The following ADGRL3 variants were observed in gnomAD, a reference collection of about 807,000 sequenced individuals.
ADGRL3 encodes calcium-independent alpha-latrotoxin receptor 3.
In ADGRL3, 62 loss-of-function variants were observed where a neutral mutation model predicts 153.5. That is an observed-to-expected ratio of 0.40 (90% CI 0.33 to 0.50). The LOEUF (loss-of-function observed/expected upper bound fraction) is 0.50. Ranked by LOEUF, ADGRL3 falls within the 20% of genes least tolerant of loss-of-function variation. ADGRL3 has a pLI of 0.47. For synonymous variants in ADGRL3, 710 were observed against 672.5 expected (o/e 1.06, Z -0.86); for missense variants, 1,641 against 1,859.4 (o/e 0.88, Z 2.16).
intron 17 of ADGRL3, among the ~76,000 whole-genome samples, chr4:61,948,912 A>G (rs1182904300): frequency 6.6e-6 from 1 of 152,032 alleles, no homozygotes; most frequent in African/African-American, 2.4e-5. Flanking sequence ...TTGCAAGGGA[A>G]GAGAAGGCTG....
chr4:61,880,329 T>G (rs912877472), intron 9 of ADGRL3, among the ~76,000 whole-genome samples: 2 of 152,192 alleles, frequency 1.3e-5, no homozygotes, highest in Non-Finnish European at 2.9e-5. Flanking sequence ...TAAGGTTCCT[T>G]GAGACACTAG....
At chr4:61,406,188 A>C (rs1434971241) in intron 2 of ADGRL3, among the ~76,000 whole-genome samples, 1 of 147,446 alleles carries the variant, frequency 6.8e-6, no homozygotes. Flanking sequence ...ACTGAGGATA[A>C]AAAAAAAAAT....
chr4:61,871,824 A>G (rs1212806788), intron 9 of ADGRL3, among the ~76,000 whole-genome samples: 1 of 152,194 alleles, frequency 6.6e-6, no homozygotes, highest in Non-Finnish European at 1.5e-5. Flanking sequence ...GCAGAGAGGC[A>G]TATTCTTTTC....
At chr4:61,677,350 G>C in intron 6 of ADGRL3, 1 of 389,752 alleles carries the variant, frequency 2.6e-6, no homozygotes, top group Non-Finnish European at 4.9e-6. Context: ...TTCATCTGCT[G>C]TCAACATTTT....
At chr4:61,223,398 G>T (rs544083867) in intron 1 of ADGRL3, among the ~76,000 whole-genome samples, 2 of 152,296 alleles carry the variant, frequency 1.3e-5, no homozygotes, top group African/African-American at 4.8e-5. Flanking sequence ...AGAGAGTGAT[G>T]CAAAATTGTT....
intron 9 of ADGRL3, among the ~76,000 whole-genome samples, chr4:61,891,309 C>G (rs1286805597): frequency 6.6e-6 from 1 of 152,056 alleles, no homozygotes; most frequent in East Asian, 1.9e-4. Flanking sequence ...GAAAATAAGA[C>G]ACTCTGCCTT....
intron 10 of ADGRL3, 26 bp from the exon 11 acceptor site, chr4:61,895,705 C>T: frequency 8.1e-7 from 1 of 1,231,464 alleles, no homozygotes; most frequent in Admixed American, 2.1e-5. Context: ...GAAAAAGAAA[C>T]AGATACATTT....
At chr4:61,368,290 G>A (rs1397160939) in intron 1 of ADGRL3, among the ~76,000 whole-genome samples, 1 of 151,614 alleles carries the variant, frequency 6.6e-6, no homozygotes, top group East Asian at 1.9e-4. Context: ...GCTTTTGAAT[G>A]AAGTCCTTGC....
intron 1 of ADGRL3, among the ~76,000 whole-genome samples, chr4:61,277,700 C>G (rs555991832): frequency 6.6e-6 from 1 of 152,032 alleles, no homozygotes; most frequent in African/African-American, 2.4e-5. Flanking sequence ...TTCCTGAAAT[C>G]CATCTCTTTC....
At chr4:61,644,457 T>A (rs2093859147) in intron 5 of ADGRL3, among the ~76,000 whole-genome samples, 1 of 152,206 alleles carries the variant, frequency 6.6e-6, no homozygotes, top group Non-Finnish European at 1.5e-5. Flanking sequence ...ACACACTGCT[T>A]TGAATGCGTC....
chr4:61,382,487 T>A (rs566141778), intron 1 of ADGRL3, among the ~76,000 whole-genome samples: 1 of 151,848 alleles, frequency 6.6e-6, no homozygotes, highest in African/African-American at 2.4e-5. Context: ...TATTATTTGT[T>A]TAATAAAATT....
intron 21 of ADGRL3, among the ~76,000 whole-genome samples, chr4:62,020,174 C>A (rs1460490900): frequency 6.6e-6 from 1 of 152,048 alleles, no homozygotes; most frequent in Non-Finnish European, 1.5e-5. Flanking sequence ...GTGAAAATCC[C>A]ATACAGTATG....
At chr4:61,668,945 A>G (rs1387411475) in intron 5 of ADGRL3, among the ~76,000 whole-genome samples, 1 of 152,138 alleles carries the variant, frequency 6.6e-6, no homozygotes, top group Non-Finnish European at 1.5e-5. Flanking sequence ...CTTGAGCTGC[A>G]GAGATCGAAG....
In ADGRL3 at chr4:61,998,733, G is replaced by A. The variant is rs572307303; in HGVS notation, c.3395+468G>A. Among the ~76,000 whole-genome samples, 188 of 151,924 alleles carry A rather than the reference G, an allele frequency of 1.2e-3. 1 individual carries two copies. Among genetic ancestry groups the A allele is most frequent in the African/African-American group, 3.5e-3 (143 of 41,434 alleles). Reference sequence around the variant, plus strand: ...TGAGACCACAGGTGCCCACGACCATGCCCTGCTAATTTTTTTGTATTTTAA... The same window carrying A: ...TGAGACCACAGGTGCCCACGACCATACCCTGCTAATTTTTTTGTATTTTAA... On this transcript the variant is annotated intron_variant, in intron 21 of 26. Coordinates refer to ENST00000683033, the MANE Select transcript of ADGRL3 (RefSeq NM_001387552.1).
At chr4:61,530,375 T>C (rs1452562772) in intron 4 of ADGRL3, among the ~76,000 whole-genome samples, 1 of 151,312 alleles carries the variant, frequency 6.6e-6, no homozygotes, top group African/African-American at 2.4e-5. Flanking sequence ...AGAAATTGGG[T>C]TTGCTACCCT....
At chr4:61,889,827 C>T (rs185212467) in intron 9 of ADGRL3, among the ~76,000 whole-genome samples, 7 of 152,284 alleles carry the variant, frequency 4.6e-5, no homozygotes, top group Admixed American at 4.6e-4. Flanking sequence ...AGAAATCTTG[C>T]ACTACGTGTG....
At chr4:61,396,319 C>T (rs2096867911) in intron 2 of ADGRL3, among the ~76,000 whole-genome samples, 1 of 151,382 alleles carries the variant, frequency 6.6e-6, no homozygotes, top group South Asian at 2.1e-4. Context: ...AATGTTGGCC[C>T]ATTTCTGTCA....
intron 8 of ADGRL3, among the ~76,000 whole-genome samples, chr4:61,802,283 A>C (rs535949121): frequency 1.3e-5 from 2 of 152,292 alleles, no homozygotes; most frequent in South Asian, 2.1e-4. Flanking sequence ...GAAAGTGAGA[A>C]AATCCAACTC....
rs576188471 is a variant in ADGRL3 at position 62,030,968 on chromosome 4, A to G, written c.3423-474A>G. Reference sequence around the variant, plus strand: ...TGTATTTCCTCCTAATACGAGTTATATTTTTGTCAGTAAACAATAAAATTT... The same window carrying G: ...TGTATTTCCTCCTAATACGAGTTATGTTTTTGTCAGTAAACAATAAAATTT... On this transcript the variant is annotated intron_variant, in intron 22 of 26. Coordinates refer to ENST00000683033, the MANE Select transcript of ADGRL3 (RefSeq NM_001387552.1). Among the ~76,000 whole-genome samples the G allele has an allele frequency of 4.0e-5, 6 of 151,656 alleles. No homozygotes were observed. The South Asian group carries it at 1.0e-3, about 26-fold the overall frequency.
Sources: allele counts gnomAD v4.1 joint callset (sites outside exome capture counted in the v4.1 genomes callset), GRCh38; gene constraint gnomAD v4.1.1; transcripts MANE v1.5; gene names NCBI Gene and HGNC (gene_info 2026-07-23, HGNC 2026-07-21).